AGBL1: variants seen among roughly 807,000 people sequenced by gnomAD.
AGBL1 encodes cytosolic carboxypeptidase 4.
Under a neutral mutation model 118.9 loss-of-function variants are expected in AGBL1, and 130 were observed. The ratio of observed to expected loss-of-function variants is 1.09; its 90% CI spans 0.95 to 1.26. The LOEUF (loss-of-function observed/expected upper bound fraction) is 1.26. AGBL1 is among the 50% of genes most tolerant of loss of function. AGBL1 has a pLI of 0.00. For synonymous variants in AGBL1, 555 were observed against 478.9 expected, an observed-to-expected ratio of 1.16 and a Z score of -2.08; for missense variants, 1,584 against 1,298.1, an observed-to-expected ratio of 1.22 and a Z score of -3.38.
Position 86,150,560 on chromosome 15 carries a change from C to G in AGBL1, c.263-3870C>G, listed in dbSNP as rs537968151. Reference sequence around the variant, plus strand: ...AAATTCCTGGGCACATACACCCTCCCAAGACTAAACCAGGAAGAAGTTGAA... The same window carrying G: ...AAATTCCTGGGCACATACACCCTCCGAAGACTAAACCAGGAAGAAGTTGAA... On this transcript the variant is annotated intron_variant, in intron 3 of 22. Transcript: ENST00000614907. Among the ~76,000 whole-genome samples, 7 of 152,244 alleles carry G rather than the reference C, an allele frequency of 4.6e-5. No individual in the cohort carries two copies. The South Asian group carries it at 1.5e-3, about 32-fold the overall frequency.
intron 22 of AGBL1, among the ~76,000 whole-genome samples, chr15:86,756,016 A>G (rs2077933896): frequency 6.6e-6 from 1 of 152,116 alleles, no homozygotes; most frequent in South Asian, 2.1e-4. Flanking sequence ...AAGAGCCCAG[A>G]TGGCTTGGAT....
chr15:86,649,703 G>GTTTTT (rs147029398), intron 21 of AGBL1, among the ~76,000 whole-genome samples: 15 of 140,280 alleles, frequency 1.1e-4, no homozygotes, highest in African/African-American at 3.9e-4. Flanking sequence ...ATTAATTTGG[G>GTTTTT]TTTTTTTTCT....
In AGBL1 at chr15:86,130,479, G is replaced by A. The variant is rs1472228838; in HGVS notation, c.52-11525G>A. Among the ~76,000 whole-genome samples, 5 of 151,996 alleles carry A rather than the reference G, an allele frequency of 3.3e-5. 1 individual carries two copies. Among genetic ancestry groups the A allele is most frequent in the African/African-American group, 1.2e-4 (5 of 41,384 alleles). ...CATGAGGAAAGCAAGTGGGGTCCAG[G>A]GAAAGTAAATGGCTTCTCTAAAATC... On this transcript the variant is annotated intron_variant, in intron 1 of 22. Transcript: ENST00000614907.
chr15:86,677,931 A>G (rs1355044370), intron 22 of AGBL1, among the ~76,000 whole-genome samples: 1 of 152,240 alleles, frequency 6.6e-6, no homozygotes, highest in Non-Finnish European at 1.5e-5. Flanking sequence ...CTCAGCATCC[A>G]GATAACTACT....
At chr15:86,368,518 GAATT>G (rs1313666688) in intron 17 of AGBL1, among the ~76,000 whole-genome samples, 1 of 152,124 alleles carries the variant, frequency 6.6e-6, no homozygotes, top group Non-Finnish European at 1.5e-5. Flanking sequence ...AGAAGTGTGA[GAATT>G]AACTAGTTTG....
At chr15:86,742,084 C>T (rs886249695) in intron 22 of AGBL1, among the ~76,000 whole-genome samples, 9 of 151,844 alleles carry the variant, frequency 5.9e-5, no homozygotes, top group African/African-American at 2.2e-4. Flanking sequence ...GAGAGGCCGG[C>T]AGTGACTCTG....
At chr15:86,253,466 G>A (rs1310770455) in intron 7 of AGBL1, among the ~76,000 whole-genome samples, 3 of 152,064 alleles carry the variant, frequency 2.0e-5, no homozygotes, top group South Asian at 4.1e-4. Flanking sequence ...GGCCAGGCTG[G>A]TCTCAAACTC....
In AGBL1 at chr15:86,604,788, C is replaced by A. The variant is rs1357569072; in HGVS notation, c.2994+50251C>A. 1.2e-4 allele frequency among the ~76,000 whole-genome samples: 17 copies of A among 143,068 alleles called. 1 individual carries two copies. The highest frequency in any genetic ancestry group is 1.2e-3 in the Admixed American group (17 of 14,372). 93.9% of individuals were successfully genotyped at this position (143,068 alleles called of 152,430 possible). A position where few individuals can be genotyped will look rare whatever the true frequency, so the allele number is the denominator to read the frequency against. On this transcript the variant is annotated intron_variant, in intron 21 of 22. Coordinates refer to ENST00000614907, the MANE Select transcript of AGBL1 (RefSeq NM_001386094.1). ...CATTTCTTTTTCTTTCTTTTTTTTTCTTTTCTTTCTTTTTTTTTTTTTTTG... is the reference window on the plus strand; with the variant it reads ...CATTTCTTTTTCTTTCTTTTTTTTTATTTTCTTTCTTTTTTTTTTTTTTTG...
At chr15:86,144,685 A>G (rs1471496425) in intron 3 of AGBL1, among the ~76,000 whole-genome samples, 1 of 152,166 alleles carries the variant, frequency 6.6e-6, no homozygotes, top group East Asian at 1.9e-4. Flanking sequence ...AAGAGGAGGG[A>G]GAGGCTTAGA....
intron 1 of AGBL1, among the ~76,000 whole-genome samples, chr15:86,138,579 C>T (rs979679706): frequency 6.6e-5 from 10 of 152,154 alleles, no homozygotes; most frequent in Admixed American, 3.9e-4. Flanking sequence ...TGAATGTTTG[C>T]GAGATGAATG....
At chr15:86,249,017 C>T (rs906891673) in intron 7 of AGBL1, among the ~76,000 whole-genome samples, 17 of 152,148 alleles carry the variant, frequency 1.1e-4, no homozygotes, top group African/African-American at 4.1e-4. Flanking sequence ...TACTTATCAG[C>T]ACCCCACTGG....
chr15:86,327,372 G>A (rs1404782727), intron 17 of AGBL1, among the ~76,000 whole-genome samples: 2 of 152,198 alleles, frequency 1.3e-5, no homozygotes. Context: ...CTTGACACAT[G>A]TTAGCTAGAT....
intron 17 of AGBL1, chr15:86,296,701 T>G (rs1235907979): frequency 1.3e-5 from 2 of 152,190 alleles, no homozygotes; most frequent in Non-Finnish European, 2.9e-5. Context: ...TAATGAATAA[T>G]AAGGGATTTT....
chr15:86,433,907 G>T (rs1280455978), intron 18 of AGBL1, among the ~76,000 whole-genome samples: 1 of 152,144 alleles, frequency 6.6e-6, no homozygotes, highest in African/African-American at 2.4e-5. Flanking sequence ...TCCTCTAAGA[G>T]ACAGTGATTT....
At chr15:86,665,747 ACT>A (rs1404163724) in intron 21 of AGBL1, among the ~76,000 whole-genome samples, 23 of 151,884 alleles carry the variant, frequency 1.5e-4, no homozygotes, top group South Asian at 1.2e-3. Flanking sequence ...TGATCATTTA[ACT>A]CTTTAATCAA....
intron 22 of AGBL1, among the ~76,000 whole-genome samples, chr15:86,840,631 G>A (rs2079231921): frequency 6.6e-6 from 1 of 152,024 alleles, no homozygotes; most frequent in Non-Finnish European, 1.5e-5. Flanking sequence ...TTTTAGTACA[G>A]ACGGGGTTTC....
chr15:86,154,619 G>A, intron 4 of AGBL1, 58 bp downstream of exon 4: 1 of 1,551,306 alleles, frequency 6.4e-7, no homozygotes, highest in Non-Finnish European at 8.7e-7. Flanking sequence ...TGGGACACAT[G>A]GAAACTGCAT....
At chr15:86,640,156 G>C (rs900762916) in intron 21 of AGBL1, among the ~76,000 whole-genome samples, 1 of 151,818 alleles carries the variant, frequency 6.6e-6, no homozygotes, top group African/African-American at 2.4e-5. Flanking sequence ...GCAAAAATAG[G>C]CTTTTTCCTA....
At chr15:86,304,390 G>A (rs759579210) in intron 17 of AGBL1, among the ~76,000 whole-genome samples, 1 of 152,182 alleles carries the variant, frequency 6.6e-6, no homozygotes, top group Non-Finnish European at 1.5e-5. Context: ...CGTCAAGGAA[G>A]TCTTCCCGGA....
Sources: gnomAD v4.1 joint callset for allele counts (sites outside exome capture counted in the v4.1 genomes callset) on GRCh38, gnomAD v4.1.1 for gene constraint, MANE v1.5 for transcripts, NCBI Gene and HGNC (gene_info 2026-07-23, HGNC 2026-07-21) for gene names.